Variants in ABCB5 observed in about 807,000 individuals in gnomAD.
ABCB5 encodes ATP-binding cassette sub-family B member 5.
A neutral mutation model predicts 144.2 loss-of-function variants in ABCB5; 155 were observed. That is an observed-to-expected ratio of 1.08 (90% CI 0.94 to 1.23). The LOEUF is 1.23. Ranked by LOEUF, ABCB5 falls within the 50% of genes most tolerant of loss-of-function variation. The pLI is 0.00. For synonymous variants in ABCB5, 610 were observed against 528.6 expected (o/e 1.15, Z -2.11); for missense variants, 1,830 against 1,520.8 (o/e 1.20, Z -3.38).
Position 20,616,282 on chromosome 7 carries a change from C to T in ABCB5, c.-22+445C>T, listed in dbSNP as rs983021459. Among the ~76,000 whole-genome samples the T allele has an allele frequency of 5.9e-5, 9 of 152,156 alleles. No individual in the cohort carries two copies. In the South Asian group the frequency reaches 6.2e-4, roughly 11 times the overall value. The stretch of plus-strand genomic sequence containing the variant: ...AACTCCTGACCTCAGATGATCCAGC[C>T]GCCTTGGCCTCCCAAAGTGCTGGGA... On this transcript the variant is annotated intron_variant, in intron 1 of 27. Coordinates refer to ENST00000404938, the MANE Select transcript of ABCB5 (RefSeq NM_001163941.2).
At chr7:20,696,151 G>A (rs1217925857) in intron 16 of ABCB5, among the ~76,000 whole-genome samples, 1 of 152,088 alleles carries the variant, frequency 6.6e-6, no homozygotes, top group Non-Finnish European at 1.5e-5. Context: ...TAGTCTAAAA[G>A]TGGGAACCAC....
rs1050985846 is a variant in ABCB5 at position 20,622,869 on chromosome 7, G to T, written c.-21-396G>T. 2.0e-5 allele frequency among the ~76,000 whole-genome samples: 3 copies of T among 152,146 alleles called. No homozygotes were observed. The East Asian group carries it at 5.8e-4, about 29-fold the overall frequency. On this transcript the variant is annotated intron_variant, in intron 1 of 27. Coordinates refer to ENST00000404938, the MANE Select transcript of ABCB5 (RefSeq NM_001163941.2). Reference sequence around the variant, plus strand: ...AAACTGCTGGCTAATAAAAACTACTGCATCAGTTTTTTAAAGAGAAAACAG... The same window carrying T: ...AAACTGCTGGCTAATAAAAACTACTTCATCAGTTTTTTAAAGAGAAAACAG...
chr7:20,632,262 A>G (rs1784055951), intron 5 of ABCB5, 149 bp downstream of exon 5: 1 of 546,714 alleles, frequency 1.8e-6, no homozygotes. Flanking sequence ...CATTAGGTAT[A>G]TAAAATACAA....
intron 16 of ABCB5, among the ~76,000 whole-genome samples, chr7:20,696,012 T>C (rs1786402549): frequency 1.3e-5 from 2 of 152,092 alleles, no homozygotes; most frequent in South Asian, 4.1e-4. Flanking sequence ...TGTCAGTTTC[T>C]TAAAAAGTGA....
chr7:20,678,020 T>C (rs1649738664), intron 14 of ABCB5, among the ~76,000 whole-genome samples: 1 of 152,120 alleles, frequency 6.6e-6, no homozygotes, highest in African/African-American at 2.4e-5. Flanking sequence ...TTTCTTACTT[T>C]TAAACCAAAG....
At chr7:20,626,704 C>T (rs2128017731) in intron 3 of ABCB5, 93 bp downstream of exon 3, 1 of 975,358 alleles carries the variant, frequency 1.0e-6, no homozygotes, top group South Asian at 2.7e-5. Flanking sequence ...ATTGCATCCA[C>T]TATTTGTGGG....
chr7:20,647,761 C>A, intron 10 of ABCB5, 113 bp downstream of exon 10: 1 of 1,460,832 alleles, frequency 6.8e-7, no homozygotes, highest in Non-Finnish European at 9.2e-7. Flanking sequence ...TAATGTTGGC[C>A]AGTTGTTTAT....
At chr7:20,666,407 G>C (rs1365694508) in intron 14 of ABCB5, among the ~76,000 whole-genome samples, 1 of 152,148 alleles carries the variant, frequency 6.6e-6, no homozygotes, top group Non-Finnish European at 1.5e-5. Context: ...TTGAGGCTTT[G>C]TATTATTTTC....
chr7:20,684,031 A>C (rs1197754657), intron 15 of ABCB5, among the ~76,000 whole-genome samples: 1 of 152,228 alleles, frequency 6.6e-6, no homozygotes, highest in African/African-American at 2.4e-5. Context: ...ACCTTTAACA[A>C]GAGGGAAATG....
chr7:20,661,831 C>A (rs150337675), intron 14 of ABCB5, among the ~76,000 whole-genome samples: 2 of 152,224 alleles, frequency 1.3e-5, no homozygotes, highest in African/African-American at 4.8e-5. Flanking sequence ...CCGCGCCCAG[C>A]GAGACCTGAA....
chr7:20,617,928 GCA>G (rs1783722736), intron 1 of ABCB5, among the ~76,000 whole-genome samples: 1 of 151,960 alleles, frequency 6.6e-6, no homozygotes, highest in South Asian at 2.1e-4. Context: ...ACAACTATAA[GCA>G]CACAGCCACA....
chr7:20,658,132 A>C (rs903626163), intron 13 of ABCB5, among the ~76,000 whole-genome samples: 5 of 152,204 alleles, frequency 3.3e-5, no homozygotes, highest in Non-Finnish European at 7.4e-5. Context: ...CAAATTGCTA[A>C]TAAACACTGC....
At chr7:20,697,653 T>C (rs535130785) in intron 16 of ABCB5, among the ~76,000 whole-genome samples, 2 of 152,334 alleles carry the variant, frequency 1.3e-5, no homozygotes, top group South Asian at 2.1e-4. Context: ...GCTTTCTCTG[T>C]ATAAAACCTG....
In ABCB5 at chr7:20,622,522, A is replaced by G. The variant is rs115904991; in HGVS notation, c.-21-743A>G. Among the ~76,000 whole-genome samples the G allele has an allele frequency of 8.4e-3, 1,275 of 152,178 alleles. 17 individuals are homozygous for G. Among genetic ancestry groups the G allele is most frequent in the African/African-American group, 0.03 (1,228 of 41,558 alleles). On this transcript the variant is annotated intron_variant, in intron 1 of 27. Coordinates refer to ENST00000404938, the MANE Select transcript of ABCB5 (RefSeq NM_001163941.2). ...TTAGGTACTCTTTAATTAATTTGTAATTCCACTTTAAAGTTTAAAGCCATA... is the reference window on the plus strand; with the variant it reads ...TTAGGTACTCTTTAATTAATTTGTAGTTCCACTTTAAAGTTTAAAGCCATA...
At chr7:20,681,289 G>A (rs1785820343) in intron 14 of ABCB5, among the ~76,000 whole-genome samples, 3 of 151,732 alleles carry the variant, frequency 2.0e-5, no homozygotes, top group Non-Finnish European at 1.5e-5. Flanking sequence ...ACCAAGCCTG[G>A]CTAATTCTTG....
At chr7:20,649,898 A>T (rs1442664908) in intron 11 of ABCB5, 124 bp from the exon 12 acceptor site, 3 of 1,062,510 alleles carry the variant, frequency 2.8e-6, no homozygotes, top group Non-Finnish European at 4.0e-6. Flanking sequence ...AACAAACATA[A>T]CAAGATCTAA....
intron 14 of ABCB5, among the ~76,000 whole-genome samples, chr7:20,661,544 T>TC (rs1418013961): frequency 6.7e-6 from 1 of 150,184 alleles, no homozygotes; most frequent in African/African-American, 2.5e-5. Context: ...CTTTTTCTTT[T>TC]TTTTTTTTTG....
chr7:20,723,362 AG>A, intron 21 of ABCB5, 143 bp downstream of exon 21: 2 of 410,594 alleles, frequency 4.9e-6, no homozygotes. Context: ...TGATATGTAT[AG>A]AGAGAGAAAT....
chr7:20,745,341 T>C lies in ABCB5; in HGVS notation c.3332T>C (p.Ile1111Thr). 6.2e-7 allele frequency: 1 copy of C among 1,614,120 alleles called. No individual in the cohort carries two copies. Among genetic ancestry groups the C allele is most frequent in the Non-Finnish European group, 8.5e-7 (1 of 1,179,996 alleles). ...VLFNCSIAENIAYGDNSRVVP... is the reference protein window; with the variant it reads ...VLFNCSIAENTAYGDNSRVVP... ...TTCAACTGCAGCATTGCTGAGAACA[T>C]CGCCTATGGTGACAACAGCCGTGTG... The change falls in exon 26 of 28, where the codon ATC becomes ACC. Residue 1111 changes from isoleucine (I) to threonine (T), a missense_variant. Coordinates refer to ENST00000404938, the MANE Select transcript of ABCB5 (RefSeq NM_001163941.2).
Sources: gnomAD v4.1 joint callset for allele counts (sites outside exome capture counted in the v4.1 genomes callset) on GRCh38, gnomAD v4.1.1 for gene constraint, MANE v1.5 for transcripts, NCBI Gene and HGNC (gene_info 2026-07-23, HGNC 2026-07-21) for gene names.